The following BBS4 variants were observed in gnomAD, a reference collection of about 807,000 sequenced individuals.
BBS4 encodes the protein BBSome complex member BBS4.
Under a neutral mutation model 71.4 loss-of-function variants are expected in BBS4, and 58 were observed. The observed-to-expected ratio is 0.81, with a 90% CI of 0.66 to 1.01. The LOEUF is 1.01. Among genes scored for constraint, BBS4 ranks in the 50% least tolerant of loss-of-function variants. The probability of loss-of-function intolerance (pLI) is 0.00; values close to 1 mark genes in which losing one functional copy is unlikely to be tolerated. For missense variants in BBS4, 660 were observed against 607.9 expected (o/e 1.09, Z -0.90); for synonymous variants, 228 against 216.8 (o/e 1.05, Z -0.46).
At chr15:72,686,541 T>C (rs1454701575) in intron 1 of BBS4, 1 of 1,485,228 alleles carries the variant, frequency 6.7e-7, no homozygotes. Flanking sequence ...AGTGCCATCT[T>C]TTTCTGTCTC....
rs1595944539 is a variant in BBS4, at chr15:72,729,494, C to G, written c.643-122C>G. 5.8e-6 allele frequency: 5 copies of G among 860,988 alleles called. No homozygotes were observed. In the East Asian group the frequency reaches 1.3e-4, roughly 22 times the overall value. The allele number at this position is 860,988 out of a possible 1,614,324, so 53.3% of individuals were successfully genotyped here. On this transcript the variant is annotated intron_variant, in intron 9 of 15. Transcript: ENST00000268057. ...CGAACTCCTGACCTCAGGTGATCCA[C>G]CCACCTTAGCCTCCCAAAGTGCTGG...
At chr15:72,710,195 G>GTTAT (rs1239689474) in intron 3 of BBS4, among the ~76,000 whole-genome samples, 1 of 103,440 alleles carries the variant, frequency 9.7e-6, no homozygotes, top group Non-Finnish European at 1.8e-5. Flanking sequence ...ATTTTGTCGA[G>GTTAT]TTTTTTTTTT....
intron 12 of BBS4, among the ~76,000 whole-genome samples, chr15:72,732,822 CT>C (rs1244637350): frequency 6.6e-6 from 1 of 152,138 alleles, no homozygotes; most frequent in Non-Finnish European, 1.5e-5. Context: ...GGGCACAATT[CT>C]TTATTGTAGT....
chr15:72,693,530 C>T (rs1261164164), intron 1 of BBS4, among the ~76,000 whole-genome samples: 1 of 152,184 alleles, frequency 6.6e-6, no homozygotes, highest in Admixed American at 6.5e-5. Context: ...CTCAGCAATG[C>T]TGTTGTAGGA....
intron 6 of BBS4, among the ~76,000 whole-genome samples, chr15:72,721,283 A>G (rs998690496): frequency 6.6e-6 from 1 of 152,214 alleles, no homozygotes; most frequent in Admixed American, 6.5e-5. Context: ...TAGTTTAAGA[A>G]AAAGGCCTTA....
chr15:72,700,551 A>T (rs1441816020), intron 2 of BBS4, among the ~76,000 whole-genome samples: 2 of 152,094 alleles, frequency 1.3e-5, no homozygotes, highest in Non-Finnish European at 2.9e-5. Flanking sequence ...GATGTTGAAC[A>T]CCTTTTCATA....
chr15:72,731,807 C>CT (rs1314981146), intron 12 of BBS4, 81 bp downstream of exon 12: 22 of 1,547,192 alleles, frequency 1.4e-5, no homozygotes, highest in Non-Finnish European at 1.8e-5. Flanking sequence ...AGATCAGTGG[C>CT]TGTCTCATAG....
chr15:72,686,326 G>T, intron 1 of BBS4, 75 bp downstream of exon 1: 2 of 1,547,304 alleles, frequency 1.3e-6, no homozygotes, highest in Non-Finnish European at 8.7e-7. Flanking sequence ...GTCCCATGCA[G>T]CGGTTCCTGG....
At chr15:72,736,222 G>A (rs1157581511) in intron 14 of BBS4, among the ~76,000 whole-genome samples, 1 of 149,670 alleles carries the variant, frequency 6.7e-6, no homozygotes, top group East Asian at 2.0e-4. Context: ...TCTGTCTGTA[G>A]CTTCCTTCTA....
Position 72,725,786 on chromosome 15 carries a change from T to TCTTCCCCTTCCA in BBS4, c.587+1132_587+1133insTTCCCCTTCCAC, listed in dbSNP as rs2065667543. On this transcript the variant is annotated intron_variant, in intron 8 of 15. Transcript: ENST00000268057. ...CCTTCCCCCTTCCTCTTCCCCTTCCTCCTTCCCTCTTCCCCCATCCCCCTT... is the reference window on the plus strand; with the variant it reads ...CCTTCCCCCTTCCTCTTCCCCTTCCTCTTCCCCTTCCACCTTCCCTCTTCCCCCATCCCCCTT... Among the ~76,000 whole-genome samples, 2 of 29,430 alleles carry TCTTCCCCTTCCA rather than the reference T, an allele frequency of 6.8e-5. 1 individual carries two copies. Among genetic ancestry groups the TCTTCCCCTTCCA allele is most frequent in the Non-Finnish European group, 1.2e-4 (2 of 16,436 alleles). 19.3% of individuals were successfully genotyped at this position (29,430 alleles called of 152,430 possible).
At chr15:72,722,185 C>T (rs980681270) in intron 6 of BBS4, among the ~76,000 whole-genome samples, 18 of 152,146 alleles carry the variant, frequency 1.2e-4, no homozygotes, top group African/African-American at 4.3e-4. Context: ...TGGATTTGGC[C>T]CATGGACCAT....
intron 5 of BBS4, among the ~76,000 whole-genome samples, chr15:72,716,481 A>C (rs867526308): frequency 2.0e-5 from 3 of 152,172 alleles, no homozygotes; most frequent in Admixed American, 2.0e-4. Context: ...CATTAGGCTT[A>C]TTTCTTTTTT....
chr15:72,692,831 C>T (rs139054408), intron 1 of BBS4, among the ~76,000 whole-genome samples: 7 of 151,550 alleles, frequency 4.6e-5, no homozygotes, highest in Non-Finnish European at 1.0e-4. Flanking sequence ...TTTCTAGGCT[C>T]GTGTGATCCT....
At chr15:72,692,752 G>T (rs2065009865) in intron 1 of BBS4, among the ~76,000 whole-genome samples, 1 of 151,874 alleles carries the variant, frequency 6.6e-6, no homozygotes, top group Admixed American at 6.6e-5. Flanking sequence ...CTGCCACTAT[G>T]CCTGGCTAAT....
chr15:72,694,784 AGAT>A (rs1243727590), intron 1 of BBS4, among the ~76,000 whole-genome samples: 3 of 152,188 alleles, frequency 2.0e-5, no homozygotes, highest in African/African-American at 7.2e-5. Context: ...GTTTCTGTGT[AGAT>A]GATCTCATAA....
intron 7 of BBS4, 89 bp from the exon 8 acceptor site, chr15:72,724,439 A>G: frequency 6.3e-7 from 1 of 1,579,984 alleles, no homozygotes; most frequent in Non-Finnish European, 8.7e-7. Context: ...ATGTCAATAC[A>G]GCAGAAAGTG....
intron 6 of BBS4, among the ~76,000 whole-genome samples, chr15:72,719,614 C>T (rs1279096383): frequency 2.0e-5 from 3 of 151,978 alleles, no homozygotes; most frequent in Non-Finnish European, 4.4e-5. Context: ...CAGGAGAGCT[C>T]AGGGTCACAG....
intron 6 of BBS4, among the ~76,000 whole-genome samples, chr15:72,721,868 A>G (rs947212650): frequency 2.6e-5 from 4 of 152,166 alleles, no homozygotes; most frequent in Non-Finnish European, 5.9e-5. Context: ...TTTATTATAA[A>G]GGAATTTGAG....
intron 1 of BBS4, chr15:72,686,625 G>A: frequency 8.0e-7 from 1 of 1,242,904 alleles, no homozygotes; most frequent in Non-Finnish European, 1.1e-6. Context: ...AATTTAACAT[G>A]CCTGGAAGCT....
Sources: allele counts gnomAD v4.1 joint callset (sites outside exome capture counted in the v4.1 genomes callset), GRCh38; gene constraint gnomAD v4.1.1; transcripts MANE v1.5; gene names NCBI Gene and HGNC (gene_info 2026-07-23, HGNC 2026-07-21).